OR6N1: variants seen among roughly 807,000 people sequenced by gnomAD.
OR6N1 encodes olfactory receptor family 6 subfamily N member 1.
For synonymous variants in OR6N1, 170 were observed against 150.7 expected (o/e 1.13, Z -0.94); for missense variants, 394 against 371.7 (o/e 1.06, Z -0.49).
chr1:158,832,547 G>C, the OR6N1 span, among the ~76,000 whole-genome samples: 1 of 151,148 alleles, frequency 6.6e-6, no homozygotes, highest in Admixed American at 6.6e-5. Context: ...TGTGTGTTTA[G>C]AGAGAAGAAA....
the OR6N1 span, among the ~76,000 whole-genome samples, chr1:158,801,842 T>C: frequency 1.8e-4 from 28 of 152,300 alleles, no homozygotes; most frequent in Admixed American, 6.5e-5. Flanking sequence ...TTCTCTTTTT[T>C]AGATACTCTA....
chr1:158,768,599 G>A (rs78054662), intron 1 of OR6N1, among the ~76,000 whole-genome samples: 505 of 152,294 alleles, frequency 3.3e-3, no homozygotes, highest in Non-Finnish European at 5.2e-3. Context: ...GAGTGATCCT[G>A]TTAAATTCTA....
chr1:158,787,686 C>T, the OR6N1 span, among the ~76,000 whole-genome samples: 8 of 150,316 alleles, frequency 5.3e-5, no homozygotes, highest in Non-Finnish European at 5.9e-5. Context: ...CAAATACACA[C>T]GAACATTTTA....
At chr1:158,775,561 G>T (rs1015482273), upstream of OR6N1, 1 of 152,154 alleles carries the variant, frequency 6.6e-6, no homozygotes, top group Non-Finnish European at 1.5e-5. Context: ...ATACAATTCA[G>T]ATTTCAAATA....
the OR6N1 span, among the ~76,000 whole-genome samples, chr1:158,802,204 T>A: frequency 1.3e-5 from 1 of 78,450 alleles, no homozygotes; most frequent in African/African-American, 6.8e-5. Context: ...TAGCACTTTT[T>A]TTTTTTTTTT....
chr1:158,797,389 T>C, the OR6N1 span, among the ~76,000 whole-genome samples: 13 of 152,336 alleles, frequency 8.5e-5, no homozygotes, highest in Non-Finnish European at 1.6e-4. Context: ...GTTATACTTA[T>C]AAAAATCCGA....
the OR6N1 span, among the ~76,000 whole-genome samples, chr1:158,797,714 A>G: frequency 1.3e-5 from 2 of 152,184 alleles, no homozygotes; most frequent in South Asian, 4.1e-4. Context: ...TTTTGCATAT[A>G]TGTTAATGAA....
chr1:158,823,523 A>AT, the OR6N1 span, among the ~76,000 whole-genome samples: 3 of 151,568 alleles, frequency 2.0e-5, no homozygotes, highest in East Asian at 3.9e-4. Flanking sequence ...GTCTCTAAGG[A>AT]TTTTTTATAT....
the OR6N1 span, among the ~76,000 whole-genome samples, chr1:158,807,963 T>C: frequency 6.7e-6 from 1 of 149,590 alleles, no homozygotes; most frequent in African/African-American, 2.6e-5. Context: ...CATGTTTGAC[T>C]ACTGATCGTT....
the OR6N1 span, among the ~76,000 whole-genome samples, chr1:158,832,457 G>A: frequency 6.6e-6 from 1 of 151,612 alleles, no homozygotes; most frequent in Admixed American, 6.5e-5. Context: ...TAGTGATTTT[G>A]TTAATTTCTC....
At position 158,766,552 on chromosome 1, in the gene OR6N1, A is replaced by G. The variant is rs200723413; in HGVS notation, c.131T>C (p.Leu44Pro). 82 of 1,614,006 alleles carry G rather than the reference A, an allele frequency of 5.1e-5. No homozygotes were observed. Among genetic ancestry groups the G allele is most frequent in the Middle Eastern group, 4.9e-4 (3 of 6,082 alleles). The change falls in exon 2 of 2, where the codon CTG becomes CCG. Residue 44 changes from leucine (L) to proline (P), a missense_variant. Leu to Pro is a moderately conservative substitution (Grantham distance 98). Coordinates refer to ENST00000641846, the MANE Select transcript of OR6N1 (RefSeq NM_001005185.2). ...IYLMTVLGNL[L>P]IFLVVCLDSR... is the part of the protein sequence containing the mutation. ...GTCCAGGCAGACCACCAGGAATATC[A>G]GCAGGTTTCCCAACACAGTCATGAG...
At chr1:158,832,764 A>G in the OR6N1 span, among the ~76,000 whole-genome samples, 2 of 152,034 alleles carry the variant, frequency 1.3e-5, no homozygotes. Context: ...TAACTTTTCC[A>G]GCTCTTTCTC....
At chr1:158,786,591 C>T in the OR6N1 span, among the ~76,000 whole-genome samples, 1 of 152,156 alleles carries the variant, frequency 6.6e-6, no homozygotes, top group Admixed American at 6.5e-5. Flanking sequence ...ATGGAACCAA[C>T]CTAAGTGCCC....
At chr1:158,787,742 A>T in the OR6N1 span, among the ~76,000 whole-genome samples, 1 of 151,756 alleles carries the variant, frequency 6.6e-6, no homozygotes, top group African/African-American at 2.4e-5. Context: ...GAATTCTCTC[A>T]TTTGACCTGA....
the OR6N1 span, among the ~76,000 whole-genome samples, chr1:158,798,813 T>C: frequency 3.9e-5 from 6 of 152,324 alleles, no homozygotes; most frequent in African/African-American, 1.4e-4. Flanking sequence ...AGTGGGCGTG[T>C]TAATTTTCCT....
At chr1:158,769,472 T>A (rs1657361632) in intron 1 of OR6N1, among the ~76,000 whole-genome samples, 1 of 152,180 alleles carries the variant, frequency 6.6e-6, no homozygotes, top group Admixed American at 6.5e-5. Flanking sequence ...CCAGAAGATA[T>A]AATTTTTATT....
chr1:158,827,807 A>G, the OR6N1 span, among the ~76,000 whole-genome samples: 1 of 152,212 alleles, frequency 6.6e-6, no homozygotes, highest in African/African-American at 2.4e-5. Flanking sequence ...AAGGGCATGT[A>G]TTAGTCCATC....
the OR6N1 span, chr1:158,831,189 G>C: frequency 1.3e-5 from 2 of 152,188 alleles, no homozygotes; most frequent in Non-Finnish European, 2.9e-5. Flanking sequence ...CGAAGAAGAG[G>C]CACCATTTAC....
chr1:158,776,848 T>G (rs1456959232), upstream of OR6N1: 2 of 1,614,156 alleles, frequency 1.2e-6, no homozygotes, highest in Admixed American at 3.3e-5. Context: ...ATAGCTCTTC[T>G]TTAGCCGCAC....
Sources: allele counts gnomAD v4.1 joint callset (sites outside exome capture counted in the v4.1 genomes callset), GRCh38; gene constraint gnomAD v4.1.1; transcripts MANE v1.5; gene names NCBI Gene and HGNC (gene_info 2026-07-23, HGNC 2026-07-21).